Variants in ITPR1 observed in about 807,000 individuals in gnomAD.
ITPR1 encodes inositol 1,4,5-trisphosphate receptor type 1, also known as inositol 1,4,5-trisphosphate-gated calcium channel ITPR1.
ITPR1 carries 96 observed loss-of-function variants against 318.4 expected under a neutral mutation model. The ratio of observed to expected loss-of-function variants is 0.30; its 90% CI spans 0.26 to 0.36. The LOEUF is 0.36. Ranked by LOEUF, ITPR1 falls within the 10% of genes least tolerant of loss-of-function variation. The pLI, the probability that ITPR1 is intolerant of heterozygous loss-of-function variation, is 1.00. For missense variants in ITPR1, 2,440 were observed against 3,460.2 expected (o/e 0.71, Z 7.40); for synonymous variants, 1,312 against 1,289.9 (o/e 1.02, Z -0.37).
chr3:4,794,852 A>T, intron 52 of ITPR1: 1 of 488,700 alleles, frequency 2.0e-6, no homozygotes, highest in Non-Finnish European at 3.5e-6. Context: ...CCCCCAATAC[A>T]TCTTCTGTTC....
rs897074122 is a variant in ITPR1, at chr3:4,693,865, AT to A, written c.4281+128del. The A allele has an allele frequency of 2.0e-4, 192 of 976,790 alleles. 1 individual carries two copies. Among genetic ancestry groups the A allele is most frequent in the Non-Finnish European group, 2.6e-4 (176 of 675,784 alleles). 60.5% of individuals were successfully genotyped at this position (976,790 alleles called of 1,614,324 possible). The stretch of plus-strand genomic sequence containing the variant: ...CTCATGGCTCTGAAAGCTGCAGCTC[AT>A]TTTGTAGTGGGATTTCAGTTCCCTA... On this transcript the variant is annotated intron_variant, in intron 33 of 61. Transcript: ENST00000649015.
Position 4,673,154 on chromosome 3 carries a change from T to C in ITPR1, c.2223T>C (p.Phe741=), listed in dbSNP as rs758281237. 1 of 1,613,806 alleles carries C rather than the reference T, an allele frequency of 6.2e-7. No homozygotes were observed. The highest frequency in any genetic ancestry group is 8.5e-7 in the Non-Finnish European group (1 of 1,179,732). The change falls in exon 21 of 62, where the codon TTT becomes TTC. Residue 741 remains phenylalanine, a synonymous_variant. Coordinates refer to ENST00000649015, the MANE Select transcript of ITPR1 (RefSeq NM_001378452.1). ...LSYYRYQLNL[F]ARMCLDRQYL... The stretch of plus-strand genomic sequence containing the variant: ...CCTCTAGATATCAGCTGAACCTCTT[T>C]GCGAGGATGTGTCTGGACCGCCAAT...
intron 4 of ITPR1, among the ~76,000 whole-genome samples, chr3:4,522,013 A>G (rs976401437): frequency 2.5e-5 from 3 of 119,894 alleles, no homozygotes; most frequent in Admixed American, 7.8e-5. Flanking sequence ...TTTGAAATAC[A>G]CTTGGTATCT....
chr3:4,541,752 A>C (rs1232595277), intron 4 of ITPR1, among the ~76,000 whole-genome samples: 1 of 151,792 alleles, frequency 6.6e-6, no homozygotes, highest in African/African-American at 2.4e-5. Context: ...CAGCCTCCCG[A>C]GTAGCTGGGA....
chr3:4,728,918 T>G (rs563710217), intron 42 of ITPR1, among the ~76,000 whole-genome samples: 1 of 152,354 alleles, frequency 6.6e-6, no homozygotes, highest in South Asian at 2.1e-4. Flanking sequence ...TCCAGGAAGT[T>G]GGCATTTCAT....
In ITPR1 at chr3:4,787,992, C is replaced by G. The variant is rs770530675; in HGVS notation, c.6661C>G (p.Pro2221Ala). The change falls in exon 52 of 62, where the codon CCC becomes GCC. Residue 2221 changes from proline (P) to alanine (A), a missense_variant. Pro to Ala is a conservative substitution (Grantham distance 27). Coordinates refer to ENST00000649015, the MANE Select transcript of ITPR1 (RefSeq NM_001378452.1). ...RTMEQIVFPV[P>A]SICEFLTKES... ...AATGGAACAGATAGTCTTTCCCGTGCCCAGCATATGTGAATTCCTAACCAA... is the reference window on the plus strand; with the variant it reads ...AATGGAACAGATAGTCTTTCCCGTGGCCAGCATATGTGAATTCCTAACCAA... 6.2e-7 allele frequency: 1 copy of G among 1,612,658 alleles called. No individual in the cohort carries two copies. Among genetic ancestry groups the G allele is most frequent in the South Asian group, 1.1e-5 (1 of 90,776 alleles).
chr3:4,601,515 A>C (rs2091284338), intron 4 of ITPR1, among the ~76,000 whole-genome samples: 1 of 143,758 alleles, frequency 7.0e-6, no homozygotes, highest in African/African-American at 2.6e-5. Context: ...AAAAAAAAAA[A>C]GTGTTGAACA....
At chr3:4,733,480 G>A (rs1339926435) in intron 43 of ITPR1, among the ~76,000 whole-genome samples, 3 of 152,060 alleles carry the variant, frequency 2.0e-5, no homozygotes, top group Admixed American at 6.6e-5. Context: ...CTTGGTGATG[G>A]TTGAATGATT....
intron 60 of ITPR1, among the ~76,000 whole-genome samples, chr3:4,825,247 G>C (rs2049998510): frequency 6.6e-6 from 1 of 152,082 alleles, no homozygotes; most frequent in African/African-American, 2.4e-5. Context: ...TTCCATTACG[G>C]GTTAGTTCAC....
chr3:4,741,622 C>T (rs748413620), intron 44 of ITPR1, among the ~76,000 whole-genome samples: 4 of 151,974 alleles, frequency 2.6e-5, no homozygotes, highest in African/African-American at 4.8e-5. Context: ...ACATCCCTTC[C>T]GGAAGTCACC....
intron 2 of ITPR1, among the ~76,000 whole-genome samples, chr3:4,503,106 G>C (rs937703881): frequency 6.6e-6 from 1 of 152,050 alleles, no homozygotes; most frequent in African/African-American, 2.4e-5. Flanking sequence ...AAAAAGAAAA[G>C]CCCTTTATTG....
intron 44 of ITPR1, among the ~76,000 whole-genome samples, chr3:4,752,714 G>A (rs2044635923): frequency 6.6e-6 from 1 of 152,170 alleles, no homozygotes; most frequent in Non-Finnish European, 1.5e-5. Context: ...GACCAAGCTG[G>A]CCTTGAACTC....
chr3:4,800,377 C>G, intron 53 of ITPR1, 48 bp from the exon 54 acceptor site: 1 of 1,588,642 alleles, frequency 6.3e-7, no homozygotes, highest in Non-Finnish European at 8.6e-7. Context: ...GTCCCCTGTA[C>G]TCAGTGAAGG....
intron 4 of ITPR1, among the ~76,000 whole-genome samples, chr3:4,576,037 A>G (rs1158528122): frequency 1.3e-5 from 2 of 151,568 alleles, no homozygotes; most frequent in African/African-American, 2.4e-5. Context: ...AAAAAAAAAG[A>G]AATGTGGCTG....
intron 35 of ITPR1, among the ~76,000 whole-genome samples, chr3:4,702,424 T>C (rs762396222): frequency 1.3e-5 from 2 of 152,176 alleles, no homozygotes; most frequent in Non-Finnish European, 2.9e-5. Context: ...TTGGGGTCAG[T>C]CTGCCTCAAT....
intron 4 of ITPR1, among the ~76,000 whole-genome samples, chr3:4,541,702 T>C (rs1276581046): frequency 6.6e-6 from 1 of 152,060 alleles, no homozygotes; most frequent in East Asian, 1.9e-4. Flanking sequence ...CTCGGCTCAC[T>C]GCAACCTCCG....
intron 4 of ITPR1, among the ~76,000 whole-genome samples, chr3:4,580,158 C>T (rs769730141): frequency 1.3e-5 from 2 of 151,754 alleles, no homozygotes; most frequent in Non-Finnish European, 2.9e-5. Flanking sequence ...TGCAGTGAGC[C>T]GAGATCATGC....
At position 4,767,445 on chromosome 3, in the gene ITPR1, C is replaced by T. The variant is rs371730268; in HGVS notation, c.5725+735C>T. ...TGAGAACAGCTGGTCTAGACAGGAG[C>T]TAAAGAGAAGAAAAAGAAGAATGGC... is the stretch of plus-strand genomic sequence containing the variant. On this transcript the variant is annotated intron_variant, in intron 45 of 61. Transcript: ENST00000649015. Among the ~76,000 whole-genome samples, 7 of 152,336 alleles carry T rather than the reference C, an allele frequency of 4.6e-5. No homozygotes were observed. In the East Asian group the frequency reaches 1.4e-3, roughly 29 times the overall value.
intron 5 of ITPR1, 79 bp downstream of exon 5, chr3:4,627,957 C>A: frequency 1.2e-6 from 1 of 819,848 alleles, no homozygotes; most frequent in Non-Finnish European, 1.9e-6. Context: ...TGGTGGGAGA[C>A]TGCTTATGCA....
Sources: gnomAD v4.1 joint callset for allele counts (sites outside exome capture counted in the v4.1 genomes callset) on GRCh38, gnomAD v4.1.1 for gene constraint, MANE v1.5 for transcripts, NCBI Gene and HGNC (gene_info 2026-07-23, HGNC 2026-07-21) for gene names.